The following AVEN variants were observed in gnomAD, a reference collection of about 807,000 sequenced individuals.
The protein encoded by AVEN is apoptosis and caspase activation inhibitor, also known as cell death regulator Aven.
AVEN carries 41 observed loss-of-function variants against 38.1 expected under a neutral mutation model. The ratio of observed to expected loss-of-function variants is 1.08; its 90% CI spans 0.84 to 1.40. The LOEUF (loss-of-function observed/expected upper bound fraction) is 1.40, where lower values mean the gene tolerates loss of function less well. AVEN is among the 40% of genes most tolerant of loss of function. The pLI, the probability that AVEN is intolerant of heterozygous loss-of-function variation, is 0.00. For missense variants in AVEN, 605 were observed against 438.8 expected, an observed-to-expected ratio of 1.38 and a Z score of -3.38; for synonymous variants, 206 against 171.8, an observed-to-expected ratio of 1.20 and a Z score of -1.56.
In AVEN at chr15:34,031,587, A is replaced by G. The variant is rs545061442; in HGVS notation, c.267+7193T>C. 7.1e-4 allele frequency among the ~76,000 whole-genome samples: 108 copies of G among 152,346 alleles called. No individual in the cohort carries two copies. The South Asian group carries it at 9.7e-3, about 14-fold the overall frequency. On this transcript the variant is annotated intron_variant, in intron 1 of 5. Transcript: ENST00000306730. Reference sequence around the variant, plus strand: ...AGTCCTTAATGGCAAGAGGACTCAAAGGTAGAATTAAGTTTTTACAACAGG... The same window carrying G: ...AGTCCTTAATGGCAAGAGGACTCAAGGGTAGAATTAAGTTTTTACAACAGG...
chr15:33,990,198 C>T (rs941109349), intron 2 of AVEN, among the ~76,000 whole-genome samples: 1 of 148,982 alleles, frequency 6.7e-6, no homozygotes, highest in Non-Finnish European at 1.5e-5. Context: ...GGTGAGACTC[C>T]GTCTCAAAAA....
At chr15:34,020,592 C>T (rs1449254722) in intron 1 of AVEN, among the ~76,000 whole-genome samples, 1 of 152,224 alleles carries the variant, frequency 6.6e-6, no homozygotes. Context: ...TTTCAATTCT[C>T]ACTGCACTTT....
chr15:33,934,039 G>C (rs895981804), intron 2 of AVEN, among the ~76,000 whole-genome samples: 5 of 152,094 alleles, frequency 3.3e-5, no homozygotes, highest in African/African-American at 9.7e-5. Flanking sequence ...TCATTGCTGA[G>C]GCTCAATCTA....
chr15:33,882,923 T>C (rs1185743968), intron 2 of AVEN, among the ~76,000 whole-genome samples: 1 of 151,994 alleles, frequency 6.6e-6, no homozygotes, highest in Non-Finnish European at 1.5e-5. Flanking sequence ...AAATTAGAAA[T>C]AAATATAAGA....
At chr15:34,042,336 G>A (rs1046191265), upstream of AVEN, among the ~76,000 whole-genome samples, 2 of 151,664 alleles carry the variant, frequency 1.3e-5, no homozygotes, top group African/African-American at 4.9e-5. Flanking sequence ...GAATTATATA[G>A]GTAGCTCCTT....
intron 5 of AVEN, among the ~76,000 whole-genome samples, chr15:34,058,138 A>T (rs535741272): frequency 6.6e-6 from 1 of 152,294 alleles, no homozygotes; most frequent in Admixed American, 6.5e-5. Context: ...TAACCCCTTC[A>T]AATGATCGAA....
chr15:33,907,618 T>G (rs1247943120), intron 2 of AVEN, among the ~76,000 whole-genome samples: 1 of 152,160 alleles, frequency 6.6e-6, no homozygotes, highest in African/African-American at 2.4e-5. Context: ...TGTTGCTATC[T>G]GCCTTTTATT....
At chr15:33,887,637 A>C (rs1891757457) in intron 2 of AVEN, among the ~76,000 whole-genome samples, 1 of 152,158 alleles carries the variant, frequency 6.6e-6, no homozygotes, top group African/African-American at 2.4e-5. Flanking sequence ...TCTCAGACAG[A>C]CTCTGAGTTG....
chr15:34,038,948 C>T lies in AVEN; in HGVS notation c.99G>A (p.Ala33=), dbSNP rs1331312106. 23 of 1,102,304 alleles carry T rather than the reference C, an allele frequency of 2.1e-5. No individual in the cohort carries two copies. In the East Asian group the frequency reaches 7.4e-4, roughly 35 times the overall value. 68.3% of individuals were successfully genotyped at this position (1,102,304 alleles called of 1,614,324 possible). Residue 33 remains alanine (A), a synonymous_variant, in exon 1 of 6, where the codon GCG becomes GCA. Transcript: ENST00000306730. ...CTCCGCCGCCGCCTCTGGCTACCGC[C>T]GCTGCGGCTCCGGGCCGCTCGCTGT... ...DRHSERPGAA[A]AVARGGGGGG...
At position 34,038,793 on chromosome 15, in the gene AVEN, C is replaced by T. The variant is rs750210032; in HGVS notation, c.254G>A (p.Gly85Glu). Residue 85 changes from glycine to glutamate, a missense_variant, in exon 1 of 6, where the codon GGG becomes GAG. Physicochemically the swap from Gly to Glu is moderately conservative, Grantham distance 98 (BLOSUM62 -2). Coordinates refer to ENST00000306730, the MANE Select transcript of AVEN (RefSeq NM_020371.3). ...SRREPGGWGAGASAPVEDDSD... is the reference protein window; with the variant it reads ...SRREPGGWGAEASAPVEDDSD... ...GTCGCCTCTTACCGGCGCGCTGGCC[C>T]CTGCGCCCCAGCCTCCCGGCTCCCG... The T allele has an allele frequency of 9.8e-5, 117 of 1,190,334 alleles. No individual in the cohort carries two copies. In the African/African-American group the frequency reaches 1.8e-3, roughly 18 times the overall value. 73.7% of individuals were successfully genotyped at this position (1,190,334 alleles called of 1,614,324 possible).
chr15:34,047,110 T>C (rs1367878087), intron 5 of AVEN, among the ~76,000 whole-genome samples: 8 of 151,454 alleles, frequency 5.3e-5, no homozygotes, highest in Non-Finnish European at 1.0e-4. Flanking sequence ...CGGAGTCTCG[T>C]TCTGTCGCCC....
intron 2 of AVEN, among the ~76,000 whole-genome samples, chr15:33,914,889 A>C (rs1893066077): frequency 6.6e-6 from 1 of 152,158 alleles, no homozygotes; most frequent in Non-Finnish European, 1.5e-5. Context: ...CCTCATGTGC[A>C]ATGCTCACAC....
At chr15:33,891,414 G>C (rs565215278) in intron 2 of AVEN, among the ~76,000 whole-genome samples, 6 of 152,154 alleles carry the variant, frequency 3.9e-5, no homozygotes, top group East Asian at 1.9e-4. Flanking sequence ...CCTGGTGTAT[G>C]ATGTTCCCCT....
At chr15:33,913,629 T>G (rs1404952314) in intron 2 of AVEN, among the ~76,000 whole-genome samples, 1 of 152,184 alleles carries the variant, frequency 6.6e-6, no homozygotes, top group Non-Finnish European at 1.5e-5. Flanking sequence ...CAAATTACCT[T>G]AAGTCATTGA....
At chr15:34,000,244 C>A (rs1397476339) in intron 2 of AVEN, among the ~76,000 whole-genome samples, 1 of 152,200 alleles carries the variant, frequency 6.6e-6, no homozygotes, top group Non-Finnish European at 1.5e-5. Flanking sequence ...TTTATATACT[C>A]TTCTTGTTTG....
At chr15:33,935,791 C>A (rs1894038651) in intron 2 of AVEN, among the ~76,000 whole-genome samples, 1 of 152,056 alleles carries the variant, frequency 6.6e-6, no homozygotes, top group Non-Finnish European at 1.5e-5. Context: ...GTGATTATGA[C>A]TAATTTTTAC....
intron 3 of AVEN, among the ~76,000 whole-genome samples, chr15:33,875,058 C>T (rs542248317): frequency 4.0e-4 from 61 of 152,322 alleles, no homozygotes; most frequent in African/African-American, 1.1e-3. Flanking sequence ...CTCCCCTCCT[C>T]GTAATCCGTA....
At chr15:33,912,960 G>A (rs1345467067) in intron 2 of AVEN, among the ~76,000 whole-genome samples, 1 of 151,386 alleles carries the variant, frequency 6.6e-6, no homozygotes, top group Non-Finnish European at 1.5e-5. Flanking sequence ...CGCGATCTCG[G>A]CTCACCACAA....
chr15:34,014,969 G>C (rs747068960), intron 1 of AVEN, among the ~76,000 whole-genome samples: 9 of 152,154 alleles, frequency 5.9e-5, no homozygotes, highest in Non-Finnish European at 1.0e-4. Context: ...CCGGATTTGA[G>C]AAGCAGGGAC....
Sources: gnomAD v4.1 joint callset for allele counts (sites outside exome capture counted in the v4.1 genomes callset) on GRCh38, gnomAD v4.1.1 for gene constraint, MANE v1.5 for transcripts, NCBI Gene and HGNC (gene_info 2026-07-23, HGNC 2026-07-21) for gene names.